HS3ST4: variants seen among roughly 807,000 people sequenced by gnomAD.
HS3ST4 encodes the protein heparan sulfate glucosamine 3-O-sulfotransferase 4.
HS3ST4 carries 17 observed loss-of-function variants against 29.2 expected under a neutral mutation model. The observed-to-expected ratio is 0.58, with a 90% CI of 0.40 to 0.87. HS3ST4 has a LOEUF of 0.87. Among genes scored for constraint, HS3ST4 ranks in the 40% least tolerant of loss-of-function variants. HS3ST4 has a pLI of 0.00. For synonymous variants in HS3ST4, 314 were observed against 285.7 expected (o/e 1.10, Z -1.00); for missense variants, 627 against 634.5 (o/e 0.99, Z 0.13).
chr16:25,964,558 C>G (rs1055134807), intron 1 of HS3ST4, among the ~76,000 whole-genome samples: 20 of 152,142 alleles, frequency 1.3e-4, no homozygotes, highest in Non-Finnish European at 1.5e-5. Context: ...GAGGAGAAAA[C>G]TGAGGCATCT....
intron 1 of HS3ST4, among the ~76,000 whole-genome samples, chr16:25,739,015 T>C (rs1966632421): frequency 6.6e-6 from 1 of 152,106 alleles, no homozygotes; most frequent in Admixed American, 6.6e-5. Flanking sequence ...CTGCTCTATA[T>C]TCAGCCCCCA....
intron 1 of HS3ST4, among the ~76,000 whole-genome samples, chr16:26,035,776 A>G (rs1278899555): frequency 2.0e-5 from 3 of 152,162 alleles, no homozygotes; most frequent in African/African-American, 7.2e-5. Flanking sequence ...GCAGCTGATC[A>G]CATTATCCTG....
At chr16:25,768,058 G>A (rs182714694) in intron 1 of HS3ST4, among the ~76,000 whole-genome samples, 1 of 152,110 alleles carries the variant, frequency 6.6e-6, no homozygotes, top group Non-Finnish European at 1.5e-5. Flanking sequence ...TGGCAGGGGA[G>A]TGCGGGGGAG....
In HS3ST4 at chr16:25,762,815, C is replaced by T. The variant is rs138281043; in HGVS notation, c.734+69664C>T. Among the ~76,000 whole-genome samples the T allele has an allele frequency of 3.2e-4, 45 of 141,532 alleles. No individual in the cohort carries two copies. The Middle Eastern group carries it at 0.016, about 50-fold the overall frequency. The allele number at this position is 141,532 out of a possible 152,430, so 92.9% of individuals were successfully genotyped here. On this transcript the variant is annotated intron_variant, in intron 1 of 1. Coordinates refer to ENST00000331351, the MANE Select transcript of HS3ST4 (RefSeq NM_006040.3). ...TCCTTTGAACTCAGGAGGTTGAGGC[C>T]GCAGTGAGCTGTGTTTGTGCCACTA...
At chr16:26,111,903 G>A (rs922286308) in intron 1 of HS3ST4, among the ~76,000 whole-genome samples, 2 of 151,678 alleles carry the variant, frequency 1.3e-5, no homozygotes, top group Admixed American at 1.3e-4. Flanking sequence ...TGTAGTCCCA[G>A]CCACTCATGA....
intron 1 of HS3ST4, among the ~76,000 whole-genome samples, chr16:26,118,235 T>C (rs923049210): frequency 2.6e-5 from 4 of 152,112 alleles, no homozygotes; most frequent in African/African-American, 9.7e-5. Context: ...TTGGCTAATT[T>C]TTAAAATCTT....
intron 1 of HS3ST4, among the ~76,000 whole-genome samples, chr16:25,967,995 A>G (rs1298420358): frequency 6.6e-6 from 1 of 152,228 alleles, no homozygotes; most frequent in African/African-American, 2.4e-5. Context: ...AATCATCCCA[A>G]TGATCAAAAT....
At chr16:25,916,970 C>T (rs559091670) in intron 1 of HS3ST4, among the ~76,000 whole-genome samples, 1 of 152,232 alleles carries the variant, frequency 6.6e-6, no homozygotes, top group South Asian at 2.1e-4. Context: ...TGATCCACCA[C>T]GCCCTGCCTC....
At position 26,018,358 on chromosome 16, in the gene HS3ST4, A is replaced by G. The variant is rs550290479; in HGVS notation, c.735-117254A>G. On this transcript the variant is annotated intron_variant, in intron 1 of 1. Coordinates refer to ENST00000331351, the MANE Select transcript of HS3ST4 (RefSeq NM_006040.3). ...GGGGGCACAGGATTGGTCGGAACTA[A>G]CAGTAAGAAACCAGGAGACTGGTTG... is the stretch of plus-strand genomic sequence containing the variant. Among the ~76,000 whole-genome samples, 29 of 152,310 alleles carry G rather than the reference A, an allele frequency of 1.9e-4. No individual in the cohort carries two copies. In the South Asian group the frequency reaches 6.0e-3, roughly 32 times the overall value.
intron 1 of HS3ST4, among the ~76,000 whole-genome samples, chr16:25,776,502 C>T (rs1370541790): frequency 6.6e-6 from 1 of 152,152 alleles, no homozygotes; most frequent in South Asian, 2.1e-4. Flanking sequence ...TCTCATGTCT[C>T]CCTAAAATGT....
At chr16:26,108,876 G>T (rs1313237161) in intron 1 of HS3ST4, among the ~76,000 whole-genome samples, 1 of 152,142 alleles carries the variant, frequency 6.6e-6, no homozygotes, top group Admixed American at 6.5e-5. Flanking sequence ...CTTAGCAAAT[G>T]AATGAATAAA....
chr16:26,040,551 C>T (rs544986925), intron 1 of HS3ST4, among the ~76,000 whole-genome samples: 60 of 151,956 alleles, frequency 3.9e-4, no homozygotes, highest in Admixed American at 2.9e-3. Context: ...GTGATCCACC[C>T]GCCTCAGCCT....
intron 1 of HS3ST4, among the ~76,000 whole-genome samples, chr16:25,862,662 G>A (rs1018974386): frequency 4.6e-5 from 7 of 151,712 alleles, no homozygotes; most frequent in South Asian, 2.1e-4. Context: ...TAAGTATTCC[G>A]CTATTTAACG....
intron 1 of HS3ST4, among the ~76,000 whole-genome samples, chr16:26,071,386 G>A (rs143495694): frequency 6.6e-6 from 1 of 152,196 alleles, no homozygotes; most frequent in African/African-American, 2.4e-5. Context: ...AGGAAGCAAG[G>A]GGTTGAGGAA....
At chr16:26,122,119 A>G (rs1171938862) in intron 1 of HS3ST4, among the ~76,000 whole-genome samples, 1 of 151,636 alleles carries the variant, frequency 6.6e-6, no homozygotes, top group Non-Finnish European at 1.5e-5. Context: ...TGTGGACTTA[A>G]GAATTATTGC....
chr16:25,782,556 C>G (rs1966853611), intron 1 of HS3ST4, among the ~76,000 whole-genome samples: 1 of 152,168 alleles, frequency 6.6e-6, no homozygotes, highest in Non-Finnish European at 1.5e-5. Context: ...TCAGGTTGCA[C>G]TGGATACCCT....
intron 1 of HS3ST4, among the ~76,000 whole-genome samples, chr16:25,743,946 C>G (rs570553764): frequency 6.6e-6 from 1 of 152,322 alleles, no homozygotes; most frequent in South Asian, 2.1e-4. Context: ...TCACACATCT[C>G]AGTATTCTCT....
chr16:26,136,080 A>G lies in HS3ST4; in HGVS notation c.1203A>G (p.Glu401=). 1 of 1,613,862 alleles carries G rather than the reference A, an allele frequency of 6.2e-7. No individual in the cohort carries two copies. Among genetic ancestry groups the G allele is most frequent in the Non-Finnish European group, 8.5e-7 (1 of 1,179,840 alleles). ...TKGFPCLKKP[E]DSSAPRCLGK... ...GGTTCCCTTGCCTAAAGAAGCCAGAAGACAGCAGTGCCCCGAGGTGCTTAG... is the reference window on the plus strand; with the variant it reads ...GGTTCCCTTGCCTAAAGAAGCCAGAGGACAGCAGTGCCCCGAGGTGCTTAG... The change falls in exon 2 of 2, where the codon GAA becomes GAG. Residue 401 remains glutamate, a synonymous_variant. Coordinates refer to ENST00000331351, the MANE Select transcript of HS3ST4 (RefSeq NM_006040.3).
chr16:26,017,232 G>A (rs1969370802), intron 1 of HS3ST4, among the ~76,000 whole-genome samples: 1 of 152,314 alleles, frequency 6.6e-6, no homozygotes, highest in Non-Finnish European at 1.5e-5. Flanking sequence ...CATTCACTTA[G>A]CAGGGTAGGT....
Sources: allele counts gnomAD v4.1 joint callset (sites outside exome capture counted in the v4.1 genomes callset), GRCh38; gene constraint gnomAD v4.1.1; transcripts MANE v1.5; gene names NCBI Gene and HGNC (gene_info 2026-07-23, HGNC 2026-07-21).